Variants in SLC14A2 observed in about 807,000 individuals in gnomAD.
SLC14A2 encodes solute carrier family 14 member 2.
SLC14A2 carries 91 observed loss-of-function variants against 104.6 expected under a neutral mutation model. The ratio of observed to expected loss-of-function variants is 0.87; its 90% CI spans 0.73 to 1.04. The LOEUF is 1.04. Among genes scored for constraint, SLC14A2 ranks in the 50% least tolerant of loss-of-function variants. SLC14A2 has a pLI of 0.00. For missense variants in SLC14A2, 1,189 were observed against 1,156.0 expected, an observed-to-expected ratio of 1.03 and a Z score of -0.41; for synonymous variants, 476 against 466.4, an observed-to-expected ratio of 1.02 and a Z score of -0.27.
At chr18:45,316,627 A>G (rs529192043) in intron 1 of SLC14A2, among the ~76,000 whole-genome samples, 2 of 152,282 alleles carry the variant, frequency 1.3e-5, no homozygotes, top group South Asian at 4.2e-4. Flanking sequence ...AGCTTCAAAA[A>G]TTTACAAGTG....
chr18:45,267,452 T>A, intron 1 of SLC14A2, among the ~76,000 whole-genome samples: 1 of 152,132 alleles, frequency 6.6e-6, no homozygotes, highest in African/African-American at 2.4e-5. Flanking sequence ...CCTTTTAGAC[T>A]CATGGCATCC....
At chr18:45,601,789 T>G (rs2044794279) in intron 2 of SLC14A2, among the ~76,000 whole-genome samples, 1 of 152,252 alleles carries the variant, frequency 6.6e-6, no homozygotes, top group African/African-American at 2.4e-5. Context: ...TGTAGCATGA[T>G]GAAGCAACAC....
chr18:45,282,270 G>A (rs907183376), intron 1 of SLC14A2, among the ~76,000 whole-genome samples: 2 of 152,166 alleles, frequency 1.3e-5, no homozygotes, highest in African/African-American at 4.8e-5. Flanking sequence ...GTGAGTGAGA[G>A]AAGACCAGCA....
chr18:45,371,021 G>A (rs2085717224), intron 1 of SLC14A2, among the ~76,000 whole-genome samples: 1 of 152,186 alleles, frequency 6.6e-6, no homozygotes, highest in South Asian at 2.1e-4. Flanking sequence ...ACAGGCCAGA[G>A]AGGCGGGCTG....
At chr18:45,401,338 G>C (rs970237333) in intron 1 of SLC14A2, among the ~76,000 whole-genome samples, 1 of 152,126 alleles carries the variant, frequency 6.6e-6, no homozygotes, top group East Asian at 1.9e-4. Flanking sequence ...GTGCCATGAG[G>C]GTAGGGACTA....
chr18:45,231,656 C>T (rs1234148528), intron 1 of SLC14A2, among the ~76,000 whole-genome samples: 3 of 152,194 alleles, frequency 2.0e-5, no homozygotes, highest in Non-Finnish European at 4.4e-5. Flanking sequence ...TTCATGCCAT[C>T]CATTACATAG....
intron 2 of SLC14A2, among the ~76,000 whole-genome samples, chr18:45,518,117 A>G (rs569908872): frequency 5.9e-5 from 9 of 152,182 alleles, no homozygotes; most frequent in South Asian, 2.1e-4. Context: ...ATATTTCCCA[A>G]TTGCAATCCT....
chr18:45,425,387 A>T (rs764699800), intron 1 of SLC14A2, among the ~76,000 whole-genome samples: 18 of 152,252 alleles, frequency 1.2e-4, no homozygotes, highest in Non-Finnish European at 2.4e-4. Flanking sequence ...CAAAGCATGT[A>T]TGAATGCCAT....
In SLC14A2 at chr18:45,669,310, A is replaced by G. The variant is rs566511882; in HGVS notation, c.2041A>G (p.Ile681Val). 7 of 1,611,974 alleles carry G rather than the reference A, an allele frequency of 4.3e-6. No homozygotes were observed. In the East Asian group the frequency reaches 1.6e-4, roughly 36 times the overall value. ...CTCTCATGCTTCTGCCATCAGCCCCATCCTCTCCAGTGCCCTGGGTACCAT... is the reference window on the plus strand; with the variant it reads ...CTCTCATGCTTCTGCCATCAGCCCCGTCCTCTCCAGTGCCCTGGGTACCAT... ...PVIIMSMSCP[I>V]LSSALGTIFS... The change falls in exon 16 of 20, where the codon ATC (isoleucine) becomes GTC (valine). Residue 681 changes from isoleucine to valine, a missense_variant. Ile to Val is a conservative substitution (Grantham distance 29). Transcript: ENST00000255226.
chr18:45,271,278 C>T (rs908507501), intron 1 of SLC14A2, among the ~76,000 whole-genome samples: 1 of 152,088 alleles, frequency 6.6e-6, no homozygotes, highest in African/African-American at 2.4e-5. Context: ...AGTGGCTGGG[C>T]CAGTCCAGTT....
chr18:45,275,174 T>G (rs1169544363), intron 1 of SLC14A2, among the ~76,000 whole-genome samples: 1 of 152,218 alleles, frequency 6.6e-6, no homozygotes, highest in African/African-American at 2.4e-5. Flanking sequence ...GCAGTGACCT[T>G]ATTATTCGAC....
intron 13 of SLC14A2, among the ~76,000 whole-genome samples, chr18:45,667,559 A>G (rs1481328738): frequency 6.6e-6 from 1 of 152,142 alleles, no homozygotes; most frequent in African/African-American, 2.4e-5. Flanking sequence ...TGGTACCACC[A>G]CAGGGGTCAG....
intron 1 of SLC14A2, among the ~76,000 whole-genome samples, chr18:45,622,644 A>G (rs2045192382): frequency 6.6e-6 from 1 of 152,280 alleles, no homozygotes; most frequent in East Asian, 1.9e-4. Flanking sequence ...CTCCTGTTAC[A>G]CGAAGAAGAG....
intron 2 of SLC14A2, among the ~76,000 whole-genome samples, chr18:45,598,709 G>A (rs925064985): frequency 5.9e-5 from 9 of 152,108 alleles, no homozygotes; most frequent in Admixed American, 3.9e-4. Flanking sequence ...CTGCATTGGC[G>A]GTGGGCATCA....
intron 2 of SLC14A2, among the ~76,000 whole-genome samples, chr18:45,554,641 G>A (rs2044106325): frequency 6.6e-6 from 1 of 152,050 alleles, no homozygotes; most frequent in Admixed American, 6.5e-5. Flanking sequence ...ATGGAACCTT[G>A]TGCTGGGAAG....
rs187994277 is a variant in SLC14A2, at chr18:45,252,001, T to A, written c.-125+38810T>A. Among the ~76,000 whole-genome samples the A allele has an allele frequency of 5.3e-5, 8 of 152,238 alleles. No homozygotes were observed. The East Asian group carries it at 1.5e-3, about 29-fold the overall frequency. ...TTAAAATCATCATGGAGGAAACACATCCCTCGAATCTTTGCTTTAGTGCAA... is the reference window on the plus strand; with the variant it reads ...TTAAAATCATCATGGAGGAAACACAACCCTCGAATCTTTGCTTTAGTGCAA... On this transcript the variant is annotated intron_variant, in intron 1 of 20. Transcript: ENST00000586448.
chr18:45,392,493 G>A (rs1160251604), intron 1 of SLC14A2, among the ~76,000 whole-genome samples: 1 of 152,142 alleles, frequency 6.6e-6, no homozygotes, highest in Non-Finnish European at 1.5e-5. Flanking sequence ...AAACAGGTCA[G>A]AATGTAATAG....
At chr18:45,629,003 G>T (rs897068369) in intron 4 of SLC14A2, among the ~76,000 whole-genome samples, 7 of 152,328 alleles carry the variant, frequency 4.6e-5, no homozygotes, top group Non-Finnish European at 1.0e-4. Context: ...ACCTACCAAA[G>T]GTGCCACAGC....
chr18:45,456,504 A>G (rs2086946181), intron 1 of SLC14A2, among the ~76,000 whole-genome samples: 1 of 152,318 alleles, frequency 6.6e-6, no homozygotes, highest in East Asian at 1.9e-4. Context: ...AGGTGGCTGC[A>G]TGTCTGCACC....
Sources: allele counts gnomAD v4.1 joint callset (sites outside exome capture counted in the v4.1 genomes callset), GRCh38; gene constraint gnomAD v4.1.1; transcripts MANE v1.5; gene names NCBI Gene and HGNC (gene_info 2026-07-23, HGNC 2026-07-21).